CDC42BPA: variants seen among roughly 807,000 people sequenced by gnomAD.
CDC42BPA encodes the protein serine/threonine-protein kinase MRCK alpha.
A neutral mutation model predicts 223.5 loss-of-function variants in CDC42BPA; 80 were observed. The ratio of observed to expected loss-of-function variants is 0.36; its 90% CI spans 0.30 to 0.43. The LOEUF is 0.43. Among genes scored for constraint, CDC42BPA ranks in the 20% least tolerant of loss-of-function variants. CDC42BPA has a pLI of 1.00. For missense variants in CDC42BPA, 1,743 were observed against 2,099.9 expected, an observed-to-expected ratio of 0.83 and a Z score of 3.32; for synonymous variants, 694 against 718.6, an observed-to-expected ratio of 0.97 and a Z score of 0.55.
At chr1:227,037,530 C>T (rs1670509800) in intron 24 of CDC42BPA, among the ~76,000 whole-genome samples, 1 of 152,148 alleles carries the variant, frequency 6.6e-6, no homozygotes, top group South Asian at 2.1e-4. Context: ...GAATGCACTG[C>T]CTTAAGATGT....
intron 17 of CDC42BPA, among the ~76,000 whole-genome samples, chr1:227,079,320 C>A (rs1680162369): frequency 6.6e-6 from 1 of 152,034 alleles, no homozygotes; most frequent in African/African-American, 2.4e-5. Context: ...CATCTTCACC[C>A]TTTCTATTAA....
At chr1:227,076,713 C>T (rs974312412) in intron 17 of CDC42BPA, among the ~76,000 whole-genome samples, 2 of 152,146 alleles carry the variant, frequency 1.3e-5, no homozygotes, top group Non-Finnish European at 2.9e-5. Flanking sequence ...TATTACTATA[C>T]ATAATCACCC....
intron 1 of CDC42BPA, chr1:227,265,262 T>A (rs11808613): frequency 1.9e-6 from 1 of 529,596 alleles, no homozygotes; most frequent in Non-Finnish European, 3.4e-6. Context: ...GCTTAGTAGC[T>A]GTGAGACCTT....
intron 5 of CDC42BPA, among the ~76,000 whole-genome samples, chr1:227,182,338 A>G (rs989843907): frequency 1.3e-5 from 2 of 152,218 alleles, no homozygotes; most frequent in African/African-American, 4.8e-5. Context: ...AAAGAGCCTA[A>G]CCAAATTTGG....
chr1:227,082,607 C>T (rs144473177), intron 16 of CDC42BPA, among the ~76,000 whole-genome samples: 13,606 of 149,974 alleles, frequency 0.091, 834 homozygotes, highest in Middle Eastern at 0.16. Context: ...CCCAGCTACT[C>T]AGGAGGCTGA....
intron 14 of CDC42BPA, among the ~76,000 whole-genome samples, chr1:227,108,094 C>T (rs1686244623): frequency 6.6e-6 from 1 of 152,104 alleles, no homozygotes; most frequent in Non-Finnish European, 1.5e-5. Context: ...TTTTATTTAG[C>T]TGTGCTCTAC....
chr1:227,173,733 A>G (rs1572135895), intron 5 of CDC42BPA, among the ~76,000 whole-genome samples: 1 of 151,908 alleles, frequency 6.6e-6, no homozygotes, highest in East Asian at 1.9e-4. Context: ...ACTCTACCCT[A>G]TATATTAATA....
intron 7 of CDC42BPA, among the ~76,000 whole-genome samples, chr1:227,146,171 C>G (rs1169258349): frequency 1.3e-5 from 2 of 151,872 alleles, no homozygotes; most frequent in Non-Finnish European, 2.9e-5. Flanking sequence ...CTCATTTAAC[C>G]CTCAAAACAG....
At chr1:227,000,759 T>A (rs1662651046) in intron 35 of CDC42BPA, among the ~76,000 whole-genome samples, 1 of 151,962 alleles carries the variant, frequency 6.6e-6, no homozygotes, top group South Asian at 2.1e-4. Context: ...TTTTCACTTT[T>A]AAACTTCAGG....
At chr1:227,205,280 A>AT (rs1672479045) in intron 3 of CDC42BPA, among the ~76,000 whole-genome samples, 1 of 75,502 alleles carries the variant, frequency 1.3e-5, no homozygotes, top group Non-Finnish European at 3.0e-5. Context: ...AAAAAAAAAA[A>AT]AAAATATATA....
intron 2 of CDC42BPA, among the ~76,000 whole-genome samples, chr1:227,241,565 G>A (rs968549344): frequency 6.6e-6 from 1 of 151,988 alleles, no homozygotes; most frequent in African/African-American, 2.4e-5. Flanking sequence ...AGTGAAAGGT[G>A]GACACAAAAG....
intron 5 of CDC42BPA, among the ~76,000 whole-genome samples, chr1:227,164,108 T>G (rs1664596368): frequency 6.6e-6 from 1 of 152,226 alleles, no homozygotes; most frequent in African/African-American, 2.4e-5. Flanking sequence ...TATTAATAAT[T>G]GCCAGGATAA....
chr1:227,095,302 T>C (rs1014127872), intron 15 of CDC42BPA, among the ~76,000 whole-genome samples: 2 of 152,210 alleles, frequency 1.3e-5, no homozygotes, highest in African/African-American at 2.4e-5. Flanking sequence ...CTAGAAAGCA[T>C]GGTGAAAGGA....
intron 12 of CDC42BPA, among the ~76,000 whole-genome samples, chr1:227,114,744 A>G: frequency 6.6e-6 from 1 of 152,136 alleles, no homozygotes; most frequent in East Asian, 1.9e-4. Context: ...TGCTCACTGG[A>G]GCATTTCAGA....
At chr1:227,294,918 T>C (rs1288521612) in intron 1 of CDC42BPA, among the ~76,000 whole-genome samples, 1 of 138,850 alleles carries the variant, frequency 7.2e-6, no homozygotes, top group Non-Finnish European at 1.6e-5. Context: ...GATCACTTTA[T>C]CACATTAAGT....
chr1:227,057,989 G>A (rs1476013291), intron 21 of CDC42BPA, among the ~76,000 whole-genome samples: 1 of 152,106 alleles, frequency 6.6e-6, no homozygotes, highest in East Asian at 1.9e-4. Context: ...CAATTCACGG[G>A]CTGGTGATTT....
intron 3 of CDC42BPA, among the ~76,000 whole-genome samples, chr1:227,210,415 C>A (rs1471748227): frequency 6.6e-6 from 1 of 152,102 alleles, no homozygotes; most frequent in African/African-American, 2.4e-5. Flanking sequence ...TTGGGTTCTT[C>A]TAATGTTTGC....
intron 1 of CDC42BPA, among the ~76,000 whole-genome samples, chr1:227,284,728 A>T (rs1688538988): frequency 6.6e-6 from 1 of 152,168 alleles, no homozygotes; most frequent in Non-Finnish European, 1.5e-5. Flanking sequence ...TGGGAGGCCA[A>T]GGTGGGTGGA....
intron 14 of CDC42BPA, among the ~76,000 whole-genome samples, chr1:227,104,962 A>G (rs530430427): frequency 5.3e-5 from 8 of 151,484 alleles, no homozygotes; most frequent in South Asian, 4.2e-4. Flanking sequence ...CACAATAGGG[A>G]AAAAAAAATA....
Sources: allele counts gnomAD v4.1 joint callset (sites outside exome capture counted in the v4.1 genomes callset), GRCh38; gene constraint gnomAD v4.1.1; transcripts MANE v1.5; gene names NCBI Gene and HGNC (gene_info 2026-07-23, HGNC 2026-07-21).